DAB1: variants seen among roughly 807,000 people sequenced by gnomAD.
DAB1 encodes disabled homolog 1.
In DAB1, 15 loss-of-function variants were observed where a neutral mutation model predicts 64.6. That is an observed-to-expected ratio of 0.23 (90% CI 0.16 to 0.36). The LOEUF (loss-of-function observed/expected upper bound fraction) is 0.36. Ranked by LOEUF, DAB1 falls within the 10% of genes least tolerant of loss-of-function variation. The pLI is 1.00. For missense variants in DAB1, 596 were observed against 706.7 expected, an observed-to-expected ratio of 0.84 and a Z score of 1.78; for synonymous variants, 235 against 251.9, an observed-to-expected ratio of 0.93 and a Z score of 0.64.
chr1:57,252,179 C>T (rs759688710), intron 2 of DAB1, among the ~76,000 whole-genome samples: 19 of 152,144 alleles, frequency 1.2e-4, no homozygotes, highest in African/African-American at 1.7e-4. Flanking sequence ...CCTTCCCTTG[C>T]GCTTAAAAAT....
chr1:58,473,549 T>A (rs11207235), intron 3 of DAB1, among the ~76,000 whole-genome samples: 1,358 of 80,598 alleles, frequency 0.017, 10 homozygotes, highest in African/African-American at 0.034. Context: ...CTCAAAAAAA[T>A]AAATAAATAA....
intron 9 of DAB1, among the ~76,000 whole-genome samples, chr1:57,036,936 G>C (rs2100455590): frequency 6.6e-6 from 1 of 152,294 alleles, no homozygotes; most frequent in Non-Finnish European, 1.5e-5. Context: ...AAAAATGACA[G>C]TGGATAAGGG....
At chr1:57,349,994 T>C (rs1033392727) in intron 1 of DAB1, among the ~76,000 whole-genome samples, 4 of 152,172 alleles carry the variant, frequency 2.6e-5, no homozygotes, top group South Asian at 2.1e-4. Context: ...CAGTAAAGCA[T>C]TGCAATTGGC....
intron 6 of DAB1, among the ~76,000 whole-genome samples, chr1:57,693,476 A>AACC (rs1163079840): frequency 6.6e-6 from 1 of 152,156 alleles, no homozygotes; most frequent in Non-Finnish European, 1.5e-5. Flanking sequence ...TAAATGCACT[A>AACC]AGCACTCTGT....
At chr1:58,387,722 C>CTT (rs35563837) in intron 3 of DAB1, among the ~76,000 whole-genome samples, 20 of 65,526 alleles carry the variant, frequency 3.1e-4, no homozygotes, top group East Asian at 4.8e-4. Flanking sequence ...CTTTTCTTTT[C>CTT]TTTTTTTTTT....
chr1:58,509,218 A>T (rs191785329), intron 2 of DAB1, among the ~76,000 whole-genome samples: 98 of 152,292 alleles, frequency 6.4e-4, no homozygotes, highest in South Asian at 2.1e-3. Context: ...AACTGACCCT[A>T]ATGAAAGAGA....
At chr1:57,574,898 G>A (rs1204906834) in intron 7 of DAB1, among the ~76,000 whole-genome samples, 1 of 152,120 alleles carries the variant, frequency 6.6e-6, no homozygotes, top group Non-Finnish European at 1.5e-5. Flanking sequence ...TGATGGGCAG[G>A]GCCTGCCTTT....
intron 4 of DAB1, among the ~76,000 whole-genome samples, chr1:57,123,569 A>C (rs1271973540): frequency 6.6e-6 from 1 of 152,202 alleles, no homozygotes; most frequent in Admixed American, 6.6e-5. Context: ...GAGCCTTAAA[A>C]ATATCCACAC....
chr1:57,599,876 C>G (rs1645556110), intron 7 of DAB1, among the ~76,000 whole-genome samples: 1 of 152,204 alleles, frequency 6.6e-6, no homozygotes, highest in African/African-American at 2.4e-5. Flanking sequence ...CGCTCTCCAG[C>G]TTTGCAAAGA....
At chr1:58,452,256 CA>C in intron 3 of DAB1, among the ~76,000 whole-genome samples, 1 of 150,074 alleles carries the variant, frequency 6.7e-6, no homozygotes, top group East Asian at 1.9e-4. Context: ...TTTTAAAGGG[CA>C]AAAAAAGAGA....
chr1:57,489,906 G>A (rs1305555630), intron 7 of DAB1, among the ~76,000 whole-genome samples: 4 of 152,176 alleles, frequency 2.6e-5, no homozygotes, highest in Admixed American at 6.5e-5. Context: ...CTCATACGTT[G>A]AAACCTAATT....
intron 7 of DAB1, among the ~76,000 whole-genome samples, chr1:57,541,585 C>T (rs373580343): frequency 1.9e-3 from 289 of 152,216 alleles, no homozygotes; most frequent in African/African-American, 6.3e-3. Flanking sequence ...CTCAACAATG[C>T]TTTTGTTTAT....
intron 4 of DAB1, among the ~76,000 whole-genome samples, chr1:58,195,268 T>C (rs1390135205): frequency 6.6e-6 from 1 of 152,090 alleles, no homozygotes. Flanking sequence ...CAACGAGAGA[T>C]ACTTCGAGGA....
chr1:58,380,638 A>C (rs1644378879), intron 3 of DAB1, among the ~76,000 whole-genome samples: 1 of 152,192 alleles, frequency 6.6e-6, no homozygotes, highest in African/African-American at 2.4e-5. Context: ...TTCTTAGAAG[A>C]TAGGATTGGA....
intron 6 of DAB1, among the ~76,000 whole-genome samples, chr1:57,762,023 T>C (rs1017467132): frequency 6.6e-6 from 1 of 152,162 alleles, no homozygotes; most frequent in Non-Finnish European, 1.5e-5. Flanking sequence ...CAGAGCGTCA[T>C]TTGCATTTTC....
chr1:58,043,305 AT>A (rs1647167645), intron 5 of DAB1, among the ~76,000 whole-genome samples: 1 of 152,230 alleles, frequency 6.6e-6, no homozygotes, highest in Non-Finnish European at 1.5e-5. Context: ...AAGTAATATA[AT>A]TTCATATTAG....
intron 5 of DAB1, among the ~76,000 whole-genome samples, chr1:58,024,497 C>T (rs188740615): frequency 3.9e-4 from 59 of 152,314 alleles, no homozygotes; most frequent in Non-Finnish European, 1.5e-4. Context: ...TGCTAACATG[C>T]TTCTCTCATT....
At chr1:58,539,720 G>A (rs992816303) in intron 1 of DAB1, among the ~76,000 whole-genome samples, 11 of 152,226 alleles carry the variant, frequency 7.2e-5, no homozygotes, top group Non-Finnish European at 1.6e-4. Context: ...TGGACATTAC[G>A]CAATGAAGAA....
At chr1:57,437,487 C>T (rs1685738224) in intron 7 of DAB1, among the ~76,000 whole-genome samples, 1 of 152,198 alleles carries the variant, frequency 6.6e-6, no homozygotes, top group Admixed American at 6.5e-5. Context: ...TTATACTGTG[C>T]AATTTTCTAC....
Sources: allele counts gnomAD v4.1 joint callset (sites outside exome capture counted in the v4.1 genomes callset), GRCh38; gene constraint gnomAD v4.1.1; transcripts MANE v1.5; gene names NCBI Gene and HGNC (gene_info 2026-07-23, HGNC 2026-07-21).